The following FBXL18 variants were observed in gnomAD, a reference collection of about 807,000 sequenced individuals.
FBXL18 encodes the protein F-box and leucine rich repeat protein 18, also known as F-box/LRR-repeat protein 18.
In FBXL18, 36 loss-of-function variants were observed where a neutral mutation model predicts 46.0. The ratio of observed to expected loss-of-function variants is 0.78; its 90% CI spans 0.60 to 1.03. FBXL18 has a LOEUF of 1.03. Ranked by LOEUF, FBXL18 falls within the 50% of genes least tolerant of loss-of-function variation. The pLI is 0.00. For missense variants in FBXL18, 977 were observed against 1,004.1 expected (o/e 0.97, Z 0.36); for synonymous variants, 557 against 465.3 (o/e 1.20, Z -2.54).
At chr7:5,493,556 A>G (rs1269545732) in intron 3 of FBXL18, among the ~76,000 whole-genome samples, 4 of 152,196 alleles carry the variant, frequency 2.6e-5, no homozygotes, top group African/African-American at 7.2e-5. Flanking sequence ...CAGCCTCCCA[A>G]AGTGCTGGGA....
At position 5,478,038 on chromosome 7, in the gene FBXL18, G is replaced by A. The variant is rs921003262; in HGVS notation, c.*3737C>T. The stretch of plus-strand genomic sequence containing the variant: ...CCTGTGGCTCTGGGTCCGGACCCAG[G>A]GTGTGGTTGAGGGAGGGCGCTGCTG... On this transcript the variant is annotated 3_prime_UTR_variant, in exon 5 of 5. Transcript: ENST00000382368. The A allele has an allele frequency of 2.0e-5, 3 of 152,388 alleles. No homozygotes were observed. The highest frequency in any genetic ancestry group is 4.4e-5 in the Non-Finnish European group (3 of 68,176). 9.4% of individuals were successfully genotyped at this position (152,388 alleles called of 1,614,324 possible).
Position 5,500,633 on chromosome 7 carries a change from T to G in FBXL18, c.1636A>C (p.Thr546Pro), listed in dbSNP as rs1248485000. 6.2e-7 allele frequency: 1 copy of G among 1,612,816 alleles called. No individual in the cohort carries two copies. Among genetic ancestry groups the G allele is most frequent in the Non-Finnish European group, 8.5e-7 (1 of 1,179,746 alleles). ...CCGATATTGACCAGCCCGGAGCCCG[T>G]AAGGACGCTGGGCAGCTGTGCGAGC... Reference protein sequence around the residue: ...LTLAQLPSVLTGSGLVNIGLQ... With the variant: ...LTLAQLPSVLPGSGLVNIGLQ... Residue 546 changes from threonine (T) to proline (P), a missense_variant, in exon 3 of 5, where the codon ACG (threonine) becomes CCG (proline). Coordinates refer to ENST00000382368, the MANE Select transcript of FBXL18 (RefSeq NM_024963.6).
intron 4 of FBXL18, among the ~76,000 whole-genome samples, chr7:5,488,544 G>A (rs917121255): frequency 6.6e-6 from 1 of 152,166 alleles, no homozygotes; most frequent in Non-Finnish European, 1.5e-5. Context: ...AGCTGAGACC[G>A]TCCCGCATGG....
At chr7:5,462,992 AT>A (rs1249236676) in intron 4 of FBXL18, among the ~76,000 whole-genome samples, 2 of 48,654 alleles carry the variant, frequency 4.1e-5, no homozygotes, top group African/African-American at 1.3e-4. Context: ...ATATATATAT[AT>A]ATAATATATA....
intron 3 of FBXL18, 134 bp downstream of exon 3, chr7:5,500,354 G>A (rs1176444456): frequency 1.0e-5 from 8 of 768,038 alleles, no homozygotes; most frequent in Non-Finnish European, 1.2e-5. Context: ...CGAGACCGAC[G>A]TGGCACGCTG....
chr7:5,466,865 C>A (rs563103381), intron 4 of FBXL18, among the ~76,000 whole-genome samples: 1 of 152,296 alleles, frequency 6.6e-6, no homozygotes, highest in East Asian at 1.9e-4. Flanking sequence ...GTCGCCCCAT[C>A]TCGGGACACA....
intron 4 of FBXL18, among the ~76,000 whole-genome samples, chr7:5,467,783 A>AT (rs1260275975): frequency 2.0e-5 from 3 of 152,140 alleles, no homozygotes; most frequent in Non-Finnish European, 2.9e-5. Flanking sequence ...AATCCTAAAG[A>AT]TAGAGAAACA....
At chr7:5,467,982 C>CTT (rs545171582) in intron 4 of FBXL18, among the ~76,000 whole-genome samples, 5 of 139,802 alleles carry the variant, frequency 3.6e-5, no homozygotes, top group Admixed American at 1.5e-4. Flanking sequence ...CAGCCTCGAA[C>CTT]TTTTTTTTTT....
At chr7:5,473,300 C>A (rs542374988), downstream of FBXL18, among the ~76,000 whole-genome samples, 1 of 152,108 alleles carries the variant, frequency 6.6e-6, no homozygotes, top group African/African-American at 2.4e-5. Flanking sequence ...CCTGGCCGCT[C>A]CGTTCTGCAG....
At position 5,490,003 on chromosome 7, in the gene FBXL18, T is replaced by C. The variant is rs933248292; in HGVS notation, c.2000+1228A>G. 3 of 1,298,172 alleles carry C rather than the reference T, an allele frequency of 2.3e-6. No individual in the cohort carries two copies. In the East Asian group the frequency reaches 1.7e-4, roughly 72 times the overall value. 80.4% of individuals were successfully genotyped at this position (1,298,172 alleles called of 1,614,324 possible). Reference sequence around the variant, plus strand: ...GTCTAAATTTTTAAAAAGTACTCTATAAACACAAGTTGTTTTTACAACCAG... The same window carrying C: ...GTCTAAATTTTTAAAAAGTACTCTACAAACACAAGTTGTTTTTACAACCAG... On this transcript the variant is annotated intron_variant, in intron 4 of 4. Transcript: ENST00000382368.
intron 4 of FBXL18, among the ~76,000 whole-genome samples, chr7:5,482,901 G>A (rs1355994532): frequency 2.0e-5 from 3 of 151,926 alleles, no homozygotes; most frequent in Middle Eastern, 3.4e-3. Context: ...AGTCAGGCAT[G>A]GTGGTGCATG....
At chr7:5,473,760 C>CAA (rs1195674210), downstream of FBXL18, among the ~76,000 whole-genome samples, 30 of 58,054 alleles carry the variant, frequency 5.2e-4, no homozygotes, top group South Asian at 4.0e-3. Flanking sequence ...GACTCCATCT[C>CAA]AAAAAAAAAA....
rs1392495222 is a variant in FBXL18, at chr7:5,455,320, C to G, written c.2001-7477G>C. 1.3e-5 allele frequency among the ~76,000 whole-genome samples: 2 copies of G among 151,992 alleles called. No individual in the cohort carries two copies. The highest frequency in any genetic ancestry group is 6.6e-5 in the Admixed American group (1 of 15,254). On this transcript the variant is annotated intron_variant and NMD_transcript_variant, in intron 4 of 6. Transcript: ENST00000415009. This position sits in a 1 kb window ranked among gnomAD's most constrained non-coding sequence, Gnocchi z 4.6. ...CTCGGGCATATGCTTGGGTAGCACT[C>G]TCAAGGAGCACTCAGGGCACATACT...
Position 5,501,582 on chromosome 7 carries a change from G to T in FBXL18, c.687C>A (p.Asn229Lys). 1 of 1,613,926 alleles carries T rather than the reference G, an allele frequency of 6.2e-7. No homozygotes were observed. The highest frequency in any genetic ancestry group is 8.5e-7 in the Non-Finnish European group (1 of 1,180,034). ...CCAGGCGCGCATAGAAGACCCGCAG[G>T]TTCTGGTAGTGCGGCACGTTGCTCT... ...VGQSNVPHYQ[N>K]LRVFYARLAP... The change falls in exon 3 of 5, where the codon AAC becomes AAA. Residue 229 changes from asparagine (N) to lysine (K), a missense_variant. Coordinates refer to ENST00000382368, the MANE Select transcript of FBXL18 (RefSeq NM_024963.6).
intron 4 of FBXL18, among the ~76,000 whole-genome samples, chr7:5,461,653 AAAATT>A (rs1469780317): frequency 1.3e-5 from 2 of 151,758 alleles, no homozygotes; most frequent in Non-Finnish European, 2.9e-5. Context: ...TAAAAGAAAC[AAAATT>A]GGCCAGGCGC....
At chr7:5,503,500 T>C (rs1784319682) in intron 2 of FBXL18, among the ~76,000 whole-genome samples, 1 of 149,528 alleles carries the variant, frequency 6.7e-6, no homozygotes, top group South Asian at 2.1e-4. Flanking sequence ...ACTACAGACA[T>C]GTGCCACCAT....
intron 4 of FBXL18, among the ~76,000 whole-genome samples, chr7:5,487,136 G>A (rs1783796938): frequency 6.6e-6 from 1 of 152,200 alleles, no homozygotes; most frequent in African/African-American, 2.4e-5. Flanking sequence ...GGCCCACACA[G>A]GTGCCCTGGG....
intron 4 of FBXL18, among the ~76,000 whole-genome samples, chr7:5,482,481 T>G (rs1783673207): frequency 6.6e-6 from 1 of 151,320 alleles, no homozygotes; most frequent in African/African-American, 2.4e-5. Context: ...GCATGACAAA[T>G]GGCAGGTAGG....
At chr7:5,490,100 C>T in intron 4 of FBXL18, 1 of 1,361,540 alleles carries the variant, frequency 7.3e-7, no homozygotes. Context: ...CAGACTACCC[C>T]AGAGTCTGGC....
Sources: allele counts gnomAD v4.1 joint callset (sites outside exome capture counted in the v4.1 genomes callset), GRCh38; gene constraint gnomAD v4.1.1; non-coding constraint Gnocchi (gnomAD v3.1); transcripts MANE v1.5; gene names NCBI Gene and HGNC (gene_info 2026-07-23, HGNC 2026-07-21).